Variants in PACRG observed in about 807,000 individuals in gnomAD.
PACRG encodes parkin coregulated gene protein.
PACRG carries 29 observed loss-of-function variants against 29.7 expected under a neutral mutation model. The ratio of observed to expected loss-of-function variants is 0.98; its 90% CI spans 0.73 to 1.33. The LOEUF (loss-of-function observed/expected upper bound fraction) is 1.33, where lower values mean the gene tolerates loss of function less well. Ranked by LOEUF, PACRG falls within the 40% of genes most tolerant of loss-of-function variation. PACRG has a pLI of 0.00. For synonymous variants in PACRG, 116 were observed against 118.7 expected (o/e 0.98, Z 0.15); for missense variants, 279 against 316.2 (o/e 0.88, Z 0.89).
chr6:163,197,441 T>TTCTTTTCTTTTCTTTTC (rs1562959287), intron 4 of PACRG, among the ~76,000 whole-genome samples: 2 of 133,260 alleles, frequency 1.5e-5, no homozygotes, highest in African/African-American at 6.2e-5. Flanking sequence ...TTTCTTTTTT[T>TTCTTTTCTTTTCTTTTC]TTTTTTTTTT....
chr6:163,171,372 C>G (rs1218034069), intron 4 of PACRG, among the ~76,000 whole-genome samples: 5 of 152,322 alleles, frequency 3.3e-5, no homozygotes, highest in African/African-American at 1.2e-4. Context: ...GGGCACCAGG[C>G]TGTGTGTCCA....
At chr6:163,201,061 C>T (rs1361973855) in intron 4 of PACRG, among the ~76,000 whole-genome samples, 2 of 152,166 alleles carry the variant, frequency 1.3e-5, no homozygotes, top group African/African-American at 4.8e-5. Context: ...GCTCTGTTCA[C>T]GTTTTTCAAA....
At chr6:162,801,121 A>C (rs1318034844) in intron 1 of PACRG, among the ~76,000 whole-genome samples, 1 of 151,922 alleles carries the variant, frequency 6.6e-6, no homozygotes, top group Admixed American at 6.5e-5. Flanking sequence ...AATATTTGTC[A>C]ATTTTCTTTT....
chr6:162,995,450 G>T (rs528491735), intron 2 of PACRG, among the ~76,000 whole-genome samples: 5 of 152,280 alleles, frequency 3.3e-5, no homozygotes, highest in African/African-American at 1.2e-4. Flanking sequence ...GTGGTGCGCC[G>T]TTTTTTAAGC....
chr6:162,751,541 G>A (rs946296606), intron 1 of PACRG, among the ~76,000 whole-genome samples: 2 of 152,016 alleles, frequency 1.3e-5, no homozygotes, highest in African/African-American at 4.8e-5. Flanking sequence ...TTTACATTCA[G>A]TTGGAAATTT....
At chr6:163,162,712 C>T (rs1313672633) in intron 4 of PACRG, among the ~76,000 whole-genome samples, 2 of 152,216 alleles carry the variant, frequency 1.3e-5, no homozygotes, top group East Asian at 3.8e-4. Context: ...GTGGTACATG[C>T]AGCCAAGGCT....
intron 2 of PACRG, among the ~76,000 whole-genome samples, chr6:162,896,631 C>T (rs973612883): frequency 2.6e-5 from 4 of 152,320 alleles, no homozygotes; most frequent in Admixed American, 6.5e-5. Context: ...ATATTATAAA[C>T]GTATCCATGT....
intron 4 of PACRG, among the ~76,000 whole-genome samples, chr6:163,298,705 C>T (rs374655586): frequency 6.6e-6 from 1 of 152,184 alleles, no homozygotes; most frequent in Admixed American, 6.5e-5. Flanking sequence ...AGCTATTAAA[C>T]AGCCATGACA....
chr6:162,926,780 G>A (rs1797470993), intron 2 of PACRG, among the ~76,000 whole-genome samples: 1 of 152,074 alleles, frequency 6.6e-6, no homozygotes, highest in South Asian at 2.1e-4. Flanking sequence ...AAAAGCAATT[G>A]CAACAAAAGC....
intron 1 of PACRG, among the ~76,000 whole-genome samples, chr6:162,783,178 A>T (rs1784218907): frequency 6.6e-6 from 1 of 151,960 alleles, no homozygotes. Flanking sequence ...AGGAATGTGT[A>T]TTTTGCTTAG....
chr6:163,240,150 C>T (rs563670813), intron 4 of PACRG, among the ~76,000 whole-genome samples: 2 of 152,188 alleles, frequency 1.3e-5, no homozygotes, highest in East Asian at 1.9e-4. Flanking sequence ...GCTTCCGAGA[C>T]GGTGGTGGCT....
At chr6:163,314,106 C>G (rs1785549767) in intron 4 of PACRG, among the ~76,000 whole-genome samples, 1 of 152,168 alleles carries the variant, frequency 6.6e-6, no homozygotes, top group Non-Finnish European at 1.5e-5. Context: ...CTCGTAGCAT[C>G]AGAGGCAGCT....
chr6:163,251,837 G>A (rs1782916467), intron 4 of PACRG, among the ~76,000 whole-genome samples: 1 of 152,226 alleles, frequency 6.6e-6, no homozygotes, highest in Non-Finnish European at 1.5e-5. Flanking sequence ...ACTGGGGGCC[G>A]TGGGGCCTGA....
chr6:162,920,356 A>G (rs1325155870), intron 2 of PACRG, among the ~76,000 whole-genome samples: 1 of 152,208 alleles, frequency 6.6e-6, no homozygotes, highest in Non-Finnish European at 1.5e-5. Flanking sequence ...GTATTATGGC[A>G]TCTGCACTCT....
chr6:163,272,588 G>C (rs1783873103), intron 4 of PACRG, among the ~76,000 whole-genome samples: 1 of 152,092 alleles, frequency 6.6e-6, no homozygotes, highest in Admixed American at 6.5e-5. Context: ...TTAAATAACA[G>C]TGAAGATACT....
intron 2 of PACRG, among the ~76,000 whole-genome samples, chr6:162,870,632 G>A (rs1197892248): frequency 2.6e-5 from 4 of 152,044 alleles, no homozygotes; most frequent in Non-Finnish European, 4.4e-5. Context: ...ATGCCTTTGC[G>A]TCCTCATAGC....
At chr6:162,789,496 C>G (rs1584362334) in intron 1 of PACRG, among the ~76,000 whole-genome samples, 1 of 152,080 alleles carries the variant, frequency 6.6e-6, no homozygotes, top group Non-Finnish European at 1.5e-5. Context: ...CTATAAAAAT[C>G]CACAATCATG....
intron 2 of PACRG, among the ~76,000 whole-genome samples, chr6:162,858,519 A>G (rs1323042082): frequency 6.6e-6 from 1 of 152,246 alleles, no homozygotes; most frequent in Non-Finnish European, 1.5e-5. Context: ...TTCCTTACCT[A>G]TCACAAGGTT....
chr6:162,816,631 C>T (rs1787374500), intron 2 of PACRG, among the ~76,000 whole-genome samples: 1 of 152,190 alleles, frequency 6.6e-6, no homozygotes, highest in Non-Finnish European at 1.5e-5. Context: ...GGATTACAGG[C>T]GTGAGCCACC....
Sources: allele counts gnomAD v4.1 joint callset (sites outside exome capture counted in the v4.1 genomes callset), GRCh38; gene constraint gnomAD v4.1.1; transcripts MANE v1.5; gene names NCBI Gene and HGNC (gene_info 2026-07-23, HGNC 2026-07-21).